The following CSMD1 variants were observed in gnomAD, a reference collection of about 807,000 sequenced individuals.
CSMD1 encodes CUB and sushi domain-containing protein 1.
In CSMD1, 213 loss-of-function variants were observed where a neutral mutation model predicts 417.5. The ratio of observed to expected loss-of-function variants is 0.51; its 90% CI spans 0.46 to 0.57. The LOEUF (loss-of-function observed/expected upper bound fraction) is 0.57, where lower values mean the gene tolerates loss of function less well. Among genes scored for constraint, CSMD1 ranks in the 20% least tolerant of loss-of-function variants. CSMD1 has a pLI of 0.00. For missense variants in CSMD1, 6,923 were observed against 4,529.7 expected (o/e 1.53, Z -15.17); for synonymous variants, 2,862 against 1,736.8 (o/e 1.65, Z -16.11).
intron 1 of CSMD1, among the ~76,000 whole-genome samples, chr8:4,705,015 G>A (rs1203409000): frequency 1.3e-5 from 2 of 152,150 alleles, no homozygotes; most frequent in African/African-American, 4.8e-5. Flanking sequence ...CTGTAATTTT[G>A]GATCATGGTA....
In CSMD1 at chr8:3,795,383, TATAG is replaced by T. The variant is rs1383143399; in HGVS notation, c.819-41345_819-41342del. On this transcript the variant is annotated intron_variant, in intron 5 of 69. Coordinates refer to ENST00000635120, the MANE Select transcript of CSMD1 (RefSeq NM_033225.6). ...ATCATGTATATAGATATATATCATG[TATAG>T]ATATAGATATCTATCATAGATATAG... 3.4e-4 allele frequency among the ~76,000 whole-genome samples: 14 copies of T among 41,040 alleles called. 6 individuals carry two copies. Among genetic ancestry groups the T allele is most frequent in the Admixed American group, 1.7e-3 (6 of 3,434 alleles). The allele number at this position is 41,040 out of a possible 152,430, so 26.9% of individuals were successfully genotyped here. A position where few individuals can be genotyped will look rare whatever the true frequency, so the allele number is the denominator to read the frequency against.
intron 5 of CSMD1, among the ~76,000 whole-genome samples, chr8:3,811,014 G>A (rs935335388): frequency 8.5e-5 from 13 of 152,234 alleles, no homozygotes; most frequent in Admixed American, 2.6e-4. Context: ...TGTTCCATCC[G>A]TTTGATCACT....
chr8:3,362,174 A>G (rs1354819376), intron 20 of CSMD1, among the ~76,000 whole-genome samples: 1 of 152,176 alleles, frequency 6.6e-6, no homozygotes, highest in Non-Finnish European at 1.5e-5. Context: ...AAAACAAACT[A>G]ACAACACCAA....
chr8:3,625,035 T>C (rs1178968070), intron 7 of CSMD1, among the ~76,000 whole-genome samples: 2 of 152,000 alleles, frequency 1.3e-5, no homozygotes, highest in African/African-American at 4.8e-5. Flanking sequence ...AATTTTGATT[T>C]ACAGCATCCT....
At chr8:3,940,377 TTTGAAAATTATA>T (rs1472401451) in intron 5 of CSMD1, among the ~76,000 whole-genome samples, 1 of 152,078 alleles carries the variant, frequency 6.6e-6, no homozygotes, top group Non-Finnish European at 1.5e-5. Flanking sequence ...AGTATGTTAT[TTTGAAAATTATA>T]TTGAAAATAA....
chr8:4,307,270 T>C (rs540587107), intron 3 of CSMD1, among the ~76,000 whole-genome samples: 2 of 152,260 alleles, frequency 1.3e-5, no homozygotes, highest in Admixed American at 6.5e-5. Flanking sequence ...CAGAGGGCTG[T>C]TGATATCTCT....
chr8:3,792,207 C>T (rs888321672), intron 5 of CSMD1, among the ~76,000 whole-genome samples: 2 of 151,992 alleles, frequency 1.3e-5, no homozygotes, highest in African/African-American at 4.8e-5. Context: ...GATGGGAGAT[C>T]GCTCAAGCCC....
At chr8:4,919,785 C>T (rs751160823) in intron 1 of CSMD1, among the ~76,000 whole-genome samples, 1 of 152,152 alleles carries the variant, frequency 6.6e-6, no homozygotes, top group South Asian at 2.1e-4. Flanking sequence ...TTTGTGATTA[C>T]AGTAGGTCCC....
chr8:3,496,623 C>T (rs948651783), intron 10 of CSMD1, among the ~76,000 whole-genome samples: 3 of 152,082 alleles, frequency 2.0e-5, no homozygotes, highest in African/African-American at 4.8e-5. Context: ...GTCAGGAATT[C>T]GAGACCAGCT....
intron 2 of CSMD1, among the ~76,000 whole-genome samples, chr8:4,538,187 C>T (rs914292370): frequency 8.6e-6 from 1 of 115,640 alleles, no homozygotes; most frequent in Non-Finnish European, 1.8e-5. Context: ...CTGGAGGTGG[C>T]TACATTTTTT....
intron 3 of CSMD1, among the ~76,000 whole-genome samples, chr8:4,379,133 T>A (rs1802937141): frequency 6.6e-6 from 1 of 152,214 alleles, no homozygotes; most frequent in African/African-American, 2.4e-5. Flanking sequence ...AAATAACAGA[T>A]ATATCAGCCC....
chr8:4,950,901 C>T (rs1483001738), intron 1 of CSMD1, among the ~76,000 whole-genome samples: 1 of 151,914 alleles, frequency 6.6e-6, no homozygotes, highest in Admixed American at 6.6e-5. Flanking sequence ...AACAAATGTA[C>T]TTGTTTAAAG....
At chr8:3,953,109 T>G (rs1041328760) in intron 5 of CSMD1, among the ~76,000 whole-genome samples, 3 of 151,970 alleles carry the variant, frequency 2.0e-5, no homozygotes, top group Non-Finnish European at 4.4e-5. Context: ...AAGCTTTCTC[T>G]GAAAAGATCA....
intron 18 of CSMD1, among the ~76,000 whole-genome samples, chr8:3,370,360 A>T (rs999526306): frequency 6.6e-6 from 1 of 152,212 alleles, no homozygotes; most frequent in Non-Finnish European, 1.5e-5. Flanking sequence ...CATGCTCTGC[A>T]AACAAACAGC....
intron 1 of CSMD1, among the ~76,000 whole-genome samples, chr8:4,727,917 A>G (rs943249000): frequency 2.7e-5 from 4 of 147,114 alleles, no homozygotes; most frequent in African/African-American, 9.9e-5. Context: ...ATATATACCA[A>G]ATACATCTAA....
At chr8:3,626,500 ATAGT>A (rs1796500092) in intron 7 of CSMD1, among the ~76,000 whole-genome samples, 1 of 152,108 alleles carries the variant, frequency 6.6e-6, no homozygotes, top group Admixed American at 6.6e-5. Context: ...AGAAACATAT[ATAGT>A]TATAGTTAAA....
intron 6 of CSMD1, among the ~76,000 whole-genome samples, chr8:3,719,852 T>C (rs1339124982): frequency 6.6e-6 from 1 of 152,180 alleles, no homozygotes; most frequent in South Asian, 2.1e-4. Flanking sequence ...TTGAAGTTAG[T>C]TGTAAGAAAG....
chr8:3,776,480 C>A (rs897091467), intron 5 of CSMD1, among the ~76,000 whole-genome samples: 1 of 152,198 alleles, frequency 6.6e-6, no homozygotes, highest in Non-Finnish European at 1.5e-5. Context: ...GCTGTGGCCA[C>A]ACACACATTT....
chr8:4,847,458 G>C (rs371418271), intron 1 of CSMD1, among the ~76,000 whole-genome samples: 1 of 151,004 alleles, frequency 6.6e-6, no homozygotes, highest in East Asian at 2.0e-4. Context: ...ATTGTACAGA[G>C]AATTTCCATA....
Sources: allele counts gnomAD v4.1 joint callset (sites outside exome capture counted in the v4.1 genomes callset), GRCh38; gene constraint gnomAD v4.1.1; transcripts MANE v1.5; gene names NCBI Gene and HGNC (gene_info 2026-07-23, HGNC 2026-07-21).